The following TAFA5 variants were observed in gnomAD, a reference collection of about 807,000 sequenced individuals.
The protein encoded by TAFA5 is TAFA chemokine like family member 5.
A neutral mutation model predicts 15.3 loss-of-function variants in TAFA5; 6 were observed. The ratio of observed to expected loss-of-function variants is 0.39; its 90% CI spans 0.21 to 0.77. The LOEUF (loss-of-function observed/expected upper bound fraction) is 0.77. Ranked by LOEUF, TAFA5 falls within the 30% of genes least tolerant of loss-of-function variation. The pLI, the probability that TAFA5 is intolerant of heterozygous loss-of-function variation, is 0.41. For synonymous variants in TAFA5, 103 were observed against 80.7 expected (o/e 1.28, Z -1.48); for missense variants, 161 against 193.1 (o/e 0.83, Z 0.98).
At chr22:48,676,965 A>C (rs1340501033) in intron 2 of TAFA5, among the ~76,000 whole-genome samples, 4 of 152,200 alleles carry the variant, frequency 2.6e-5, no homozygotes, top group Non-Finnish European at 5.9e-5. Context: ...CTGGGCTCCC[A>C]GGGGCAGCCC....
intron 1 of TAFA5, among the ~76,000 whole-genome samples, chr22:48,631,133 G>A (rs770658828): frequency 3.3e-5 from 5 of 152,218 alleles, no homozygotes; most frequent in Non-Finnish European, 7.3e-5. Flanking sequence ...TCACCCACTC[G>A]GGACGGTCAG....
chr22:48,559,399 G>T (rs2147131233), intron 1 of TAFA5, among the ~76,000 whole-genome samples: 1 of 152,298 alleles, frequency 6.6e-6, no homozygotes, highest in East Asian at 1.9e-4. Context: ...AGGCACTGAG[G>T]TCCCAGCTAG....
At chr22:48,503,864 T>C (rs1301255498) in intron 1 of TAFA5, among the ~76,000 whole-genome samples, 4 of 152,144 alleles carry the variant, frequency 2.6e-5, no homozygotes, top group Non-Finnish European at 4.4e-5. Flanking sequence ...TCTGTTACAC[T>C]CTGGGAAGGA....
chr22:48,542,630 G>GGTGGGTGATGTGT (rs1922486320), intron 1 of TAFA5, among the ~76,000 whole-genome samples: 1 of 16,862 alleles, frequency 5.9e-5, no homozygotes, highest in Non-Finnish European at 1.1e-4. Flanking sequence ...GGTGTGTGTG[G>GGTGGGTGATGTGT]GTGTGTGATG....
chr22:48,514,320 G>A (rs950520687), intron 1 of TAFA5, among the ~76,000 whole-genome samples: 1 of 152,312 alleles, frequency 6.6e-6, no homozygotes, highest in Admixed American at 6.5e-5. Context: ...TGGTGAGAAG[G>A]CCAACCGATT....
At chr22:48,515,856 C>G (rs1444653747) in intron 1 of TAFA5, among the ~76,000 whole-genome samples, 1 of 151,770 alleles carries the variant, frequency 6.6e-6, no homozygotes. Context: ...GTGGGCTCCT[C>G]CTCTCCAGGC....
At chr22:48,597,187 A>C (rs1924795700) in intron 1 of TAFA5, among the ~76,000 whole-genome samples, 3 of 152,216 alleles carry the variant, frequency 2.0e-5, no homozygotes, top group Non-Finnish European at 4.4e-5. Flanking sequence ...CCCAGAGGGG[A>C]GATAGTCAGG....
chr22:48,527,841 T>G (rs1030711225), intron 1 of TAFA5, among the ~76,000 whole-genome samples: 1 of 152,278 alleles, frequency 6.6e-6, no homozygotes, highest in South Asian at 2.1e-4. Flanking sequence ...CGCCGGGTGT[T>G]TCACGGGTAG....
chr22:48,701,630 GGACTTTCGGCAAATTGAT>G (rs1360183447), intron 2 of TAFA5, among the ~76,000 whole-genome samples: 1 of 152,218 alleles, frequency 6.6e-6, no homozygotes, highest in Non-Finnish European at 1.5e-5. Flanking sequence ...TTGGCAAGTT[GGACTTTCGGCAAATTGAT>G]TGGGAGCCTG....
Position 48,683,279 on chromosome 22 carries a change from A to G in TAFA5, c.263-24438A>G, listed in dbSNP as rs189550869. Among the ~76,000 whole-genome samples the G allele has an allele frequency of 1.4e-3, 220 of 152,358 alleles. 1 individual carries two copies. The highest frequency in any genetic ancestry group is 2.9e-3 in the Non-Finnish European group (195 of 68,040). ...CGTAATAAAGACTTTCTTCAAAGGCATTACACACAGACGAGAGTGCTGGTT... is the reference window on the plus strand; with the variant it reads ...CGTAATAAAGACTTTCTTCAAAGGCGTTACACACAGACGAGAGTGCTGGTT... On this transcript the variant is annotated intron_variant, in intron 2 of 3. Coordinates refer to ENST00000402357, the MANE Select transcript of TAFA5 (RefSeq NM_001082967.3).
At position 48,722,226 on chromosome 22, in the gene TAFA5, G is replaced by A. The variant is rs76125797; in HGVS notation, c.390+14382G>A. Among the ~76,000 whole-genome samples the A allele has an allele frequency of 0.026, 3,893 of 152,162 alleles. 320 individuals are homozygous for A. The East Asian group carries it at 0.33, about 13-fold the overall frequency. On this transcript the variant is annotated intron_variant, in intron 3 of 3. Coordinates refer to ENST00000402357, the MANE Select transcript of TAFA5 (RefSeq NM_001082967.3). ...GTTGTTTCCTGACTTTTTAATGACCGCCATTCTAATTGGCGTGAGGTGGTA... is the reference window on the plus strand; with the variant it reads ...GTTGTTTCCTGACTTTTTAATGACCACCATTCTAATTGGCGTGAGGTGGTA...
intron 3 of TAFA5, among the ~76,000 whole-genome samples, chr22:48,711,746 G>A (rs1241171447): frequency 6.6e-6 from 1 of 152,216 alleles, no homozygotes; most frequent in Non-Finnish European, 1.5e-5. Context: ...TAATGGCCAC[G>A]TTCTCAGATT....
At chr22:48,630,914 G>C (rs539536493) in intron 1 of TAFA5, among the ~76,000 whole-genome samples, 2 of 152,260 alleles carry the variant, frequency 1.3e-5, no homozygotes, top group South Asian at 4.1e-4. Flanking sequence ...CACCTGCATG[G>C]GGGGAGCCCG....
chr22:48,623,867 T>C (rs1925938449), intron 1 of TAFA5, among the ~76,000 whole-genome samples: 1 of 152,270 alleles, frequency 6.6e-6, no homozygotes, highest in African/African-American at 2.4e-5. Context: ...CCATATACTA[T>C]GCACCTACTT....
Position 48,490,983 on chromosome 22 carries a change from C to A in TAFA5, c.112+1279C>A, listed in dbSNP as rs973488754. 2.2e-4 allele frequency among the ~76,000 whole-genome samples: 33 copies of A among 152,256 alleles called. No homozygotes were observed. The highest frequency in any genetic ancestry group is 6.7e-4 in the African/African-American group (28 of 41,548). ...CAGCTCGCCAGGATCGCAAGGGAAA[C>A]CCGGGGACCAGAGCAGGAATTTTCC... is the stretch of plus-strand genomic sequence containing the variant. On this transcript the variant is annotated intron_variant, in intron 1 of 3. Coordinates refer to ENST00000402357, the MANE Select transcript of TAFA5 (RefSeq NM_001082967.3). The surrounding 1 kb of genome is among the most constrained non-coding windows in gnomAD (Gnocchi z 5.8).
intron 2 of TAFA5, among the ~76,000 whole-genome samples, chr22:48,685,635 G>A (rs1928329393): frequency 6.6e-6 from 1 of 151,890 alleles, no homozygotes; most frequent in Non-Finnish European, 1.5e-5. Context: ...ATTGAGGGGT[G>A]TCTAATCTCC....
rs1385556613 is a variant in TAFA5, at chr22:48,612,646, G to GGAGTGTCTCCCTTTCCCC, written c.113-33942_113-33925dup. Among the ~76,000 whole-genome samples the GGAGTGTCTCCCTTTCCCC allele has an allele frequency of 5.8e-3, 876 of 152,082 alleles. 6 individuals carry two copies. Among genetic ancestry groups the GGAGTGTCTCCCTTTCCCC allele is most frequent in the African/African-American group, 0.019 (808 of 41,474 alleles). ...CGTTCCCCGCGTGTCTCCCTTTCCC[G>GGAGTGTCTCCCTTTCCCC]GAGTGTCTCCCTTTCCCCGAGTGTC... is the stretch of plus-strand genomic sequence containing the variant. On this transcript the variant is annotated intron_variant, in intron 1 of 3. Transcript: ENST00000402357.
intron 2 of TAFA5, among the ~76,000 whole-genome samples, chr22:48,664,643 A>G (rs1166276895): frequency 6.6e-6 from 1 of 152,168 alleles, no homozygotes; most frequent in African/African-American, 2.4e-5. Flanking sequence ...CCAGAGCCCT[A>G]ACTTCTGTCA....
At chr22:48,747,895 TAAAA>T (rs130233) in intron 3 of TAFA5, among the ~76,000 whole-genome samples, 30 of 121,592 alleles carry the variant, frequency 2.5e-4, no homozygotes, top group Admixed American at 3.3e-4. Flanking sequence ...AGACTCTGTC[TAAAA>T]AAAAAAAAAA....
Sources: allele counts gnomAD v4.1 joint callset (sites outside exome capture counted in the v4.1 genomes callset), GRCh38; gene constraint gnomAD v4.1.1; non-coding constraint Gnocchi (gnomAD v3.1); transcripts MANE v1.5; gene names NCBI Gene and HGNC (gene_info 2026-07-23, HGNC 2026-07-21).